The following LRP1B variants were observed in gnomAD, a reference collection of about 807,000 sequenced individuals.
LRP1B encodes the protein low-density lipoprotein receptor-related protein 1B.
LRP1B carries 217 observed loss-of-function variants against 556.6 expected under a neutral mutation model. That is an observed-to-expected ratio of 0.39 (90% confidence interval 0.35 to 0.44). The LOEUF (loss-of-function observed/expected upper bound fraction) is 0.44. Among genes scored for constraint, LRP1B ranks in the 20% least tolerant of loss-of-function variants. The pLI is 1.00. For synonymous variants in LRP1B, 2,047 were observed against 1,865.8 expected (o/e 1.10, Z -2.50); for missense variants, 5,053 against 5,620.8 (o/e 0.90, Z 3.23).
chr2:140,623,956 G>GTATATATATATATATACATATATATATA (rs1553501212), intron 41 of LRP1B, among the ~76,000 whole-genome samples: 15 of 106,430 alleles, frequency 1.4e-4, no homozygotes, highest in African/African-American at 4.8e-4. Flanking sequence ...TTTTATTTAT[G>GTATATATATATATATACATATATATATA]TATATATATA....
chr2:141,452,945 G>C (rs1247452469), intron 3 of LRP1B, among the ~76,000 whole-genome samples: 1 of 152,072 alleles, frequency 6.6e-6, no homozygotes, highest in Admixed American at 6.6e-5. Context: ...ATTCAAAATA[G>C]CACAATGTGG....
chr2:142,073,747 C>G (rs1447355810), intron 1 of LRP1B, among the ~76,000 whole-genome samples: 1 of 151,938 alleles, frequency 6.6e-6, no homozygotes, highest in African/African-American at 2.4e-5. Context: ...GGGTCATGGG[C>G]AGATTTTCCC....
chr2:141,311,220 C>T (rs1686801015), intron 3 of LRP1B, among the ~76,000 whole-genome samples: 1 of 152,090 alleles, frequency 6.6e-6, no homozygotes. Flanking sequence ...TTTTTGGTAC[C>T]TCTGTGGCAC....
intron 14 of LRP1B, among the ~76,000 whole-genome samples, chr2:141,009,602 C>T (rs148755098): frequency 6.6e-6 from 1 of 151,888 alleles, no homozygotes; most frequent in East Asian, 1.9e-4. Context: ...AAACCTAAAG[C>T]TTATTAAACC....
At chr2:140,587,343 T>C (rs1682027103) in intron 43 of LRP1B, among the ~76,000 whole-genome samples, 1 of 152,162 alleles carries the variant, frequency 6.6e-6, no homozygotes, top group Non-Finnish European at 1.5e-5. Flanking sequence ...GACATATACC[T>C]ACAGATTCGA....
intron 66 of LRP1B, among the ~76,000 whole-genome samples, chr2:140,407,202 A>G (rs192896078): frequency 2.6e-4 from 40 of 152,248 alleles, no homozygotes; most frequent in Non-Finnish European, 3.8e-4. Context: ...AAGAGGGATC[A>G]AAGACCTAAA....
intron 3 of LRP1B, among the ~76,000 whole-genome samples, chr2:141,446,913 T>G (rs1014557075): frequency 4.6e-5 from 7 of 151,988 alleles, no homozygotes; most frequent in Admixed American, 3.9e-4. Context: ...TCTCAAGGAG[T>G]CTCTTTGTGG....
intron 41 of LRP1B, among the ~76,000 whole-genome samples, chr2:140,621,473 C>T (rs990216303): frequency 7.1e-6 from 1 of 140,688 alleles, no homozygotes; most frequent in Non-Finnish European, 1.6e-5. Context: ...TATAAGGAAA[C>T]AACATTTTTT....
chr2:141,157,571 C>T (rs1450185986), intron 7 of LRP1B, among the ~76,000 whole-genome samples: 1 of 151,968 alleles, frequency 6.6e-6, no homozygotes, highest in African/African-American at 2.4e-5. Flanking sequence ...ATGACATAAA[C>T]ATGTAGATTT....
chr2:141,500,979 T>C (rs1683691723), intron 2 of LRP1B, among the ~76,000 whole-genome samples: 1 of 152,128 alleles, frequency 6.6e-6, no homozygotes, highest in Non-Finnish European at 1.5e-5. Flanking sequence ...ATTTTTCCCA[T>C]TTCTTTTAGA....
At chr2:141,467,844 G>A (rs912187099) in intron 3 of LRP1B, among the ~76,000 whole-genome samples, 22 of 137,836 alleles carry the variant, frequency 1.6e-4, no homozygotes, top group South Asian at 5.7e-4. Context: ...CGGACCGGGG[G>A]GGGGGGAATT....
intron 3 of LRP1B, among the ~76,000 whole-genome samples, chr2:141,476,997 C>T (rs1239759333): frequency 6.6e-6 from 1 of 152,052 alleles, no homozygotes; most frequent in Non-Finnish European, 1.5e-5. Context: ...TTGGCGCATG[C>T]CTGTAATCCC....
chr2:141,728,155 A>G (rs755130686), intron 2 of LRP1B, among the ~76,000 whole-genome samples: 8 of 152,190 alleles, frequency 5.3e-5, no homozygotes, highest in Non-Finnish European at 1.2e-4. Flanking sequence ...AGAAGAGTGT[A>G]GAGAGAAAGG....
chr2:140,912,245 T>G lies in LRP1B; in HGVS notation c.3320-4168A>C, dbSNP rs111964297. ...AAAACCCAAAAGCAAATGGCCTCAG[T>G]AAAAATACTTTAAACATATTGATTT... On this transcript the variant is annotated intron_variant, in intron 21 of 90. Coordinates refer to ENST00000389484, the MANE Select transcript of LRP1B (RefSeq NM_018557.3). Among the ~76,000 whole-genome samples the G allele has an allele frequency of 8.9e-3, 1,347 of 151,788 alleles. 11 individuals are homozygous for G. The highest frequency in any genetic ancestry group is 0.014 in the Non-Finnish European group (923 of 67,676).
At chr2:140,787,973 T>C (rs1382926933) in intron 32 of LRP1B, among the ~76,000 whole-genome samples, 1 of 152,086 alleles carries the variant, frequency 6.6e-6, no homozygotes. Context: ...ATTTTCAAGG[T>C]TGGTTGAAAG....
At chr2:141,050,655 A>G (rs1403816481) in intron 10 of LRP1B, among the ~76,000 whole-genome samples, 3 of 152,124 alleles carry the variant, frequency 2.0e-5, no homozygotes, top group Non-Finnish European at 4.4e-5. Context: ...AAAGACTTAA[A>G]TGTAAACCAA....
intron 77 of LRP1B, among the ~76,000 whole-genome samples, chr2:140,344,250 G>A (rs1398201432): frequency 6.6e-6 from 1 of 151,744 alleles, no homozygotes; most frequent in African/African-American, 2.4e-5. Context: ...CTGACTGCTG[G>A]GTTGTGAGTG....
chr2:140,468,304 C>T (rs988935921), intron 60 of LRP1B, among the ~76,000 whole-genome samples: 1 of 152,144 alleles, frequency 6.6e-6, no homozygotes, highest in African/African-American at 2.4e-5. Flanking sequence ...ATGCAGAGTG[C>T]ACATGCAGCA....
chr2:141,349,857 A>T (rs1372757651), intron 3 of LRP1B, among the ~76,000 whole-genome samples: 1 of 152,006 alleles, frequency 6.6e-6, no homozygotes, highest in East Asian at 1.9e-4. Flanking sequence ...TAGTCAAGAT[A>T]CAGGAAATAT....
Sources: gnomAD v4.1 joint callset for allele counts (sites outside exome capture counted in the v4.1 genomes callset) on GRCh38, gnomAD v4.1.1 for gene constraint, MANE v1.5 for transcripts, NCBI Gene and HGNC (gene_info 2026-07-23, HGNC 2026-07-21) for gene names.